Variants in POLR3G observed in about 807,000 individuals in gnomAD.
POLR3G encodes RNA polymerase III subunit G.
In POLR3G, 28 loss-of-function variants were observed where a neutral mutation model predicts 30.1. The ratio of observed to expected loss-of-function variants is 0.93; its 90% CI spans 0.69 to 1.27. POLR3G has a LOEUF of 1.27. Among genes scored for constraint, POLR3G ranks in the 50% most tolerant of loss-of-function variants. The pLI is 0.00. For missense variants in POLR3G, 254 were observed against 264.6 expected, an observed-to-expected ratio of 0.96 and a Z score of 0.28; for synonymous variants, 79 against 82.5, an observed-to-expected ratio of 0.96 and a Z score of 0.23.
intron 1 of POLR3G, among the ~76,000 whole-genome samples, chr5:90,482,813 C>T (rs1317621699): frequency 3.9e-5 from 6 of 152,124 alleles, no homozygotes; most frequent in Admixed American, 3.3e-4. Context: ...GCTTCCAGTT[C>T]ACTGGCCCCC....
chr5:90,474,175 G>A (rs1750647394), upstream of POLR3G: 1 of 1,604,726 alleles, frequency 6.2e-7, no homozygotes, highest in Non-Finnish European at 8.5e-7. Context: ...ACCACGTCCT[G>A]CTCGGAGCCG....
intron 1 of POLR3G, among the ~76,000 whole-genome samples, chr5:90,482,646 G>A (rs983376843): frequency 6.6e-6 from 1 of 152,146 alleles, no homozygotes; most frequent in African/African-American, 2.4e-5. Flanking sequence ...ATCAGTGCTT[G>A]AGATATTTTG....
At position 90,504,401 on chromosome 5, in the gene POLR3G, A is replaced by G. The variant is rs544766754; in HGVS notation, c.439-2127A>G. Among the ~76,000 whole-genome samples, 4 of 152,068 alleles carry G rather than the reference A, an allele frequency of 2.6e-5. No individual in the cohort carries two copies. The South Asian group carries it at 8.3e-4, about 32-fold the overall frequency. ...CAGTGAAACCCCATCTCTACTAAAA[A>G]TTCAAAAAAAATTAGCTGGGCGTGG... On this transcript the variant is annotated intron_variant, in intron 6 of 7. Transcript: ENST00000651687.
intron 5 of POLR3G, among the ~76,000 whole-genome samples, chr5:90,498,963 G>A (rs1198159870): frequency 6.6e-6 from 1 of 152,208 alleles, no homozygotes; most frequent in Non-Finnish European, 1.5e-5. Context: ...GAGATTGAAG[G>A]ATGAATAGGA....
intron 1 of POLR3G, among the ~76,000 whole-genome samples, chr5:90,476,945 A>G (rs1750855028): frequency 6.6e-6 from 1 of 152,176 alleles, no homozygotes; most frequent in Non-Finnish European, 1.5e-5. Flanking sequence ...CTTACCCTAG[A>G]CTATGAGCTT....
chr5:90,495,773 GCTGT>G (rs1306541336), intron 4 of POLR3G, 40 bp downstream of exon 4: 4 of 1,544,576 alleles, frequency 2.6e-6, no homozygotes, highest in East Asian at 4.8e-5. Context: ...GTTTTTAAAG[GCTGT>G]CTCTCTCACC....
chr5:90,480,139 A>C (rs888224051), intron 1 of POLR3G, among the ~76,000 whole-genome samples: 22 of 152,212 alleles, frequency 1.4e-4, no homozygotes, highest in Admixed American at 5.2e-4. Context: ...GGCCATATGA[A>C]GTAGAGAAAC....
intron 3 of POLR3G, among the ~76,000 whole-genome samples, chr5:90,492,534 T>C (rs902244763): frequency 6.6e-6 from 1 of 152,090 alleles, no homozygotes; most frequent in Non-Finnish European, 1.5e-5. Context: ...ATAATGAAAA[T>C]ATTTTGCAAG....
In POLR3G at chr5:90,496,096, C is replaced by T. The variant is rs900385291; in HGVS notation, c.304+363C>T. ...ATGCCATTCTCCTGCCTCAGCCTCC[C>T]GAGTAGCTGGGACTACAGGCCCCCG... On this transcript the variant is annotated intron_variant, in intron 4 of 7. Transcript: ENST00000651687. Among the ~76,000 whole-genome samples, 15 of 152,046 alleles carry T rather than the reference C, an allele frequency of 9.9e-5. No homozygotes were observed. In the East Asian group the frequency reaches 1.4e-3, roughly 14 times the overall value.
rs1352855291 is a variant in POLR3G, at chr5:90,513,912, T to C, written c.*1773T>C. ...CTTAGTACCAGAGCCAAATACAATT[T>C]AGTTTTCAGAAATCTTATCAATATT... On this transcript the variant is annotated 3_prime_UTR_variant, in exon 8 of 8. Transcript: ENST00000651687. 1 of 152,244 alleles carries C rather than the reference T, an allele frequency of 6.6e-6. No homozygotes were observed. Among genetic ancestry groups the C allele is most frequent in the Admixed American group, 6.5e-5 (1 of 15,282 alleles). 9.4% of individuals were successfully genotyped at this position (152,244 alleles called of 1,614,324 possible).
At position 90,495,672 on chromosome 5, in the gene POLR3G, C is replaced by G. The variant is rs567592223; in HGVS notation, c.248-5C>G. Reference sequence around the variant, plus strand: ...TAATGAGTTCTTTATTCTTTTTTCCCCTAGATATTGAAAGGTATAGTAAAA... The same window carrying G: ...TAATGAGTTCTTTATTCTTTTTTCCGCTAGATATTGAAAGGTATAGTAAAA... On this transcript the variant is annotated splice_polypyrimidine_tract_variant and splice_region_variant and intron_variant, in intron 3 of 7. Coordinates refer to ENST00000651687, the MANE Select transcript of POLR3G (RefSeq NM_006467.3). 6.3e-6 allele frequency: 10 copies of G among 1,599,568 alleles called. No homozygotes were observed. Among genetic ancestry groups the G allele is most frequent in the Non-Finnish European group, 7.7e-6 (9 of 1,173,490 alleles).
intron 3 of POLR3G, among the ~76,000 whole-genome samples, chr5:90,492,774 C>G (rs535990507): frequency 6.9e-6 from 1 of 144,214 alleles, no homozygotes; most frequent in Non-Finnish European, 1.5e-5. Context: ...CCCAGCTACT[C>G]GGGAGACTGA....
At chr5:90,500,357 ATGGAAAAAAAAAATAAGTT>A (rs1752189402) in intron 5 of POLR3G, among the ~76,000 whole-genome samples, 1 of 152,058 alleles carries the variant, frequency 6.6e-6, no homozygotes, top group South Asian at 2.1e-4. Flanking sequence ...TTGGCCAAAG[ATGGAAAAAAAAAATAAGTT>A]TACTTACCTG....
chr5:90,484,269 A>G (rs1212517838), intron 1 of POLR3G, among the ~76,000 whole-genome samples: 1 of 152,144 alleles, frequency 6.6e-6, no homozygotes, highest in East Asian at 1.9e-4. Flanking sequence ...ATTTCTACCA[A>G]GTTCTGAGTG....
At chr5:90,507,695 T>C (rs370881606) in intron 7 of POLR3G, among the ~76,000 whole-genome samples, 1 of 152,218 alleles carries the variant, frequency 6.6e-6, no homozygotes, top group Non-Finnish European at 1.5e-5. Flanking sequence ...CCTATTCTTT[T>C]TTCACAATTT....
chr5:90,489,758 AC>A (rs1751627635), intron 3 of POLR3G, among the ~76,000 whole-genome samples: 1 of 152,160 alleles, frequency 6.6e-6, no homozygotes, highest in African/African-American at 2.4e-5. Context: ...TCTCTATGAC[AC>A]AGATGCACTT....
chr5:90,495,542 T>C (rs531478152), intron 3 of POLR3G, 135 bp from the exon 4 acceptor site: 11 of 1,399,858 alleles, frequency 7.9e-6, no homozygotes, highest in East Asian at 3.0e-5. Flanking sequence ...CATTCTCTTA[T>C]GTACAAAGGT....
chr5:90,512,076 CT>C lies in POLR3G; in HGVS notation c.612del (p.Phe204LeufsTer31), dbSNP rs1752764456. ...AGGAAAATGACTACATTAATTCATA[CT>C]TTGAAGATGGAGATGATTTTGGCGC... ...EEENDYINSY[F>X]EDGDDFGADS... On this transcript the variant is annotated frameshift_variant, in exon 8 of 8. Transcript: ENST00000651687. LOFTEE classifies it high-confidence loss of function. 2 of 1,605,198 alleles carry C rather than the reference CT, an allele frequency of 1.2e-6. No individual in the cohort carries two copies. The highest frequency in any genetic ancestry group is 2.2e-5 in the South Asian group (2 of 90,804).
chr5:90,502,231 C>G (rs1752281270), intron 6 of POLR3G: 8 of 984,362 alleles, frequency 8.1e-6, no homozygotes, highest in African/African-American at 1.7e-5. Context: ...TCACCTCTTT[C>G]TTTTTCACTG....
Sources: gnomAD v4.1 joint callset for allele counts (sites outside exome capture counted in the v4.1 genomes callset) on GRCh38, gnomAD v4.1.1 for gene constraint, MANE v1.5 for transcripts, NCBI Gene and HGNC (gene_info 2026-07-23, HGNC 2026-07-21) for gene names.